The following FBXO42 variants were observed in gnomAD, a reference collection of about 807,000 sequenced individuals.
FBXO42 encodes F-box only protein 42.
FBXO42 carries 12 observed loss-of-function variants against 71.7 expected under a neutral mutation model. That is an observed-to-expected ratio of 0.17 (90% CI 0.11 to 0.27). The LOEUF is 0.27. Among genes scored for constraint, FBXO42 ranks in the 10% least tolerant of loss-of-function variants. The pLI is 1.00. For missense variants in FBXO42, 707 were observed against 911.9 expected (o/e 0.78, Z 2.89); for synonymous variants, 325 against 327.5 (o/e 0.99, Z 0.08).
At chr1:16,345,725 G>A (rs1310217825) in intron 1 of FBXO42, among the ~76,000 whole-genome samples, 1 of 151,892 alleles carries the variant, frequency 6.6e-6, no homozygotes, top group East Asian at 1.9e-4. Flanking sequence ...GCGGGCGCCT[G>A]TAGTCCCAGC....
intron 6 of FBXO42, among the ~76,000 whole-genome samples, chr1:16,254,847 G>A (rs2081623211): frequency 6.6e-6 from 1 of 152,198 alleles, no homozygotes; most frequent in Non-Finnish European, 1.5e-5. Flanking sequence ...ACAGGAGGTA[G>A]GGACAATGAC....
chr1:16,263,913 C>T (rs993823486), intron 4 of FBXO42, among the ~76,000 whole-genome samples: 2 of 149,452 alleles, frequency 1.3e-5, no homozygotes, highest in Admixed American at 6.8e-5. Flanking sequence ...CAGGTTCAAG[C>T]GATTCTCCTG....
At chr1:16,332,833 G>A (rs1402414737) in intron 1 of FBXO42, among the ~76,000 whole-genome samples, 1 of 152,058 alleles carries the variant, frequency 6.6e-6, no homozygotes, top group African/African-American at 2.4e-5. Context: ...GAGCCACTGC[G>A]CCTGGCCTCG....
intron 4 of FBXO42, among the ~76,000 whole-genome samples, chr1:16,290,388 T>C (rs2082065441): frequency 6.6e-6 from 1 of 151,918 alleles, no homozygotes; most frequent in Non-Finnish European, 1.5e-5. Context: ...ATAAGATGAA[T>C]CCCCTTATAA....
chr1:16,332,622 C>T (rs2082511047), intron 1 of FBXO42, among the ~76,000 whole-genome samples: 1 of 151,020 alleles, frequency 6.6e-6, no homozygotes, highest in Non-Finnish European at 1.5e-5. Flanking sequence ...CTCACTGCAA[C>T]CCCCGTCTCC....
intron 4 of FBXO42, among the ~76,000 whole-genome samples, chr1:16,288,957 C>CA (rs201709602): frequency 0.018 from 1,410 of 78,934 alleles, 11 homozygotes; most frequent in African/African-American, 0.037. Flanking sequence ...GACTATGTCT[C>CA]AAAAAAAAAA....
At position 16,251,121 on chromosome 1, in the gene FBXO42, G is replaced by A; in HGVS notation, c.1703C>T (p.Ser568Phe). 1.9e-6 allele frequency: 3 copies of A among 1,614,144 alleles called. No homozygotes were observed. Among genetic ancestry groups the A allele is most frequent in the Non-Finnish European group, 2.5e-6 (3 of 1,180,040 alleles). The change falls in exon 10 of 10, where the codon TCC becomes TTC. Residue 568 changes from serine to phenylalanine, a missense_variant. By Grantham distance (155) the Ser-to-Phe change is radical (BLOSUM62 -2). Around this residue, in one of 5 missense-constraint regions of FBXO42, gnomAD observed 482 missense variants for 587.1 expected, o/e 0.82. Coordinates refer to ENST00000375592, the MANE Select transcript of FBXO42 (RefSeq NM_018994.3). The surrounding 1 kb of genome is among the most constrained non-coding windows in gnomAD (Gnocchi z 4.5). ...RSLEAIKAMS[S>F]KGPSASAALS... The stretch of plus-strand genomic sequence containing the variant: ...TGCTGCAGAGGCCGAGGGGCCTTTG[G>A]AGGACATCGCTTTGATGGCTTCCAG...
intron 1 of FBXO42, among the ~76,000 whole-genome samples, chr1:16,333,215 G>A (rs1189180168): frequency 6.6e-6 from 1 of 152,102 alleles, no homozygotes; most frequent in Non-Finnish European, 1.5e-5. Flanking sequence ...GAGAGAGGTG[G>A]CCTACAAGAC....
intron 4 of FBXO42, among the ~76,000 whole-genome samples, chr1:16,284,971 A>AAAAAC (rs1279064621): frequency 1.3e-5 from 2 of 151,264 alleles, no homozygotes; most frequent in Admixed American, 1.3e-4. Flanking sequence ...CTCTGTCTCA[A>AAAAAC]AAAACAAAAC....
At chr1:16,338,354 CAAAAAAAAAAA>C (rs55865669) in intron 1 of FBXO42, among the ~76,000 whole-genome samples, 6 of 108,162 alleles carry the variant, frequency 5.5e-5, no homozygotes, top group South Asian at 3.1e-4. Context: ...GCCCTATCTC[CAAAAAAAAAAA>C]AAAAAAAAAA....
chr1:16,265,862 A>G (rs1569827937), intron 4 of FBXO42, among the ~76,000 whole-genome samples: 1 of 152,184 alleles, frequency 6.6e-6, no homozygotes, highest in East Asian at 1.9e-4. Context: ...TGATCTGCAT[A>G]CTACACAGTT....
At chr1:16,283,367 G>A (rs1442591879) in intron 4 of FBXO42, among the ~76,000 whole-genome samples, 1 of 152,038 alleles carries the variant, frequency 6.6e-6, no homozygotes, top group Non-Finnish European at 1.5e-5. Context: ...GAAAATCCTT[G>A]GGAAAGACAA....
chr1:16,273,748 G>A (rs1202418106), intron 4 of FBXO42, among the ~76,000 whole-genome samples: 2 of 151,926 alleles, frequency 1.3e-5, no homozygotes, highest in Non-Finnish European at 2.9e-5. Flanking sequence ...GTGTGGTGAT[G>A]CACATCTGTA....
Position 16,329,777 on chromosome 1 carries a change from A to G in FBXO42, c.-17-14342T>C, listed in dbSNP as rs187660254. Among the ~76,000 whole-genome samples the G allele has an allele frequency of 4.5e-3, 681 of 151,538 alleles. 7 individuals are homozygous for G. The highest frequency in any genetic ancestry group is 0.016 in the African/African-American group (656 of 41,292). On this transcript the variant is annotated intron_variant, in intron 1 of 9. Transcript: ENST00000375592. ...AGCCTGGCCAACATAGTGAAACCCC[A>G]TCTCTACTAAAAATACAAAAAATTA...
chr1:16,332,783 T>C (rs2100612268), intron 1 of FBXO42, among the ~76,000 whole-genome samples: 1 of 152,234 alleles, frequency 6.6e-6, no homozygotes, highest in Middle Eastern at 3.4e-3. Flanking sequence ...TCAAGTCATA[T>C]GCCTGCCTCG....
In FBXO42 at chr1:16,274,561, T is replaced by TC. The variant is rs111896969; in HGVS notation, c.503-17803dup. Among the ~76,000 whole-genome samples, 612 of 117,044 alleles carry TC rather than the reference T, an allele frequency of 5.2e-3. 11 individuals are homozygous for TC. Among genetic ancestry groups the TC allele is most frequent in the African/African-American group, 0.018 (515 of 28,324 alleles). The allele number at this position is 117,044 out of a possible 152,430, so 76.8% of individuals were successfully genotyped here. Reference sequence around the variant, plus strand: ...CTCATTTAACTATAAGTAATGTATATCCCCCCCCCATACAAATTATGCCCC... The same window carrying TC: ...CTCATTTAACTATAAGTAATGTATATCCCCCCCCCCATACAAATTATGCCCC... On this transcript the variant is annotated intron_variant, in intron 4 of 9. Coordinates refer to ENST00000375592, the MANE Select transcript of FBXO42 (RefSeq NM_018994.3).
At chr1:16,319,424 A>G (rs2082395095) in intron 1 of FBXO42, among the ~76,000 whole-genome samples, 1 of 152,204 alleles carries the variant, frequency 6.6e-6, no homozygotes, top group Admixed American at 6.5e-5. Context: ...TGATACTACA[A>G]ATGTTTCCTA....
chr1:16,342,615 C>T (rs1216267666), intron 1 of FBXO42, among the ~76,000 whole-genome samples: 1 of 151,204 alleles, frequency 6.6e-6, no homozygotes, highest in Admixed American at 6.6e-5. Flanking sequence ...GTAATACCAT[C>T]TCCTCCCTTT....
chr1:16,271,802 T>C (rs2081848595), intron 4 of FBXO42, among the ~76,000 whole-genome samples: 1 of 151,986 alleles, frequency 6.6e-6, no homozygotes, highest in Non-Finnish European at 1.5e-5. Context: ...TCCTGTTACT[T>C]AGTACTATAC....
Sources: allele counts gnomAD v4.1 joint callset (sites outside exome capture counted in the v4.1 genomes callset), GRCh38; gene constraint gnomAD v4.1.1; regional missense constraint gnomAD v4.1.1; non-coding constraint Gnocchi (gnomAD v3.1); transcripts MANE v1.5; gene names NCBI Gene and HGNC (gene_info 2026-07-23, HGNC 2026-07-21).